NLN: variants seen among roughly 807,000 people sequenced by gnomAD.
The protein encoded by NLN is neurolysin, also known as neurolysin, mitochondrial.
NLN carries 64 observed loss-of-function variants against 79.9 expected under a neutral mutation model. The ratio of observed to expected loss-of-function variants is 0.80; its 90% CI spans 0.65 to 0.99. NLN has a LOEUF of 0.99. Ranked by LOEUF, NLN falls within the 50% of genes least tolerant of loss-of-function variation. NLN has a pLI of 0.00. For synonymous variants in NLN, 267 were observed against 296.6 expected, an observed-to-expected ratio of 0.90 and a Z score of 1.02; for missense variants, 835 against 858.7, an observed-to-expected ratio of 0.97 and a Z score of 0.34.
rs1289024105 is a variant in NLN, at chr5:65,822,900, C to T, written c.2100C>T (p.Gly700=). 1 of 1,613,454 alleles carries T rather than the reference C, an allele frequency of 6.2e-7. No homozygotes were observed. Among genetic ancestry groups the T allele is most frequent in the African/African-American group, 1.3e-5 (1 of 74,888 alleles). Residue 700 remains glycine (G), a synonymous_variant, in exon 13 of 13, where the codon GGC becomes GGT. Coordinates refer to ENST00000380985, the MANE Select transcript of NLN (RefSeq NM_020726.5). ...PNQKAFLMSR[G]LHAP is the part of the protein sequence containing the mutation. The stretch of plus-strand genomic sequence containing the variant: ...AAAAAGCGTTCCTAATGAGTAGAGG[C>T]CTGCATGCTCCGTGAACTGGGGATC...
chr5:65,730,129 A>G (rs1758573850), intron 1 of NLN, among the ~76,000 whole-genome samples: 1 of 152,250 alleles, frequency 6.6e-6, no homozygotes, highest in African/African-American at 2.4e-5. Context: ...AACAAAGCAG[A>G]TAAAAATCTT....
At chr5:65,814,983 A>ATTT (rs987720864) in intron 12 of NLN, among the ~76,000 whole-genome samples, 6 of 152,116 alleles carry the variant, frequency 3.9e-5, no homozygotes, top group African/African-American at 1.4e-4. Context: ...GTGATTATTA[A>ATTT]TTTTTTCTGT....
intron 1 of NLN, among the ~76,000 whole-genome samples, chr5:65,754,868 T>G (rs1353506835): frequency 6.6e-6 from 1 of 152,198 alleles, no homozygotes; most frequent in African/African-American, 2.4e-5. Context: ...TGAGAGTTCC[T>G]TCTTCAGATA....
chr5:65,768,687 G>A (rs1428670542), intron 3 of NLN, among the ~76,000 whole-genome samples: 1 of 152,226 alleles, frequency 6.6e-6, no homozygotes, highest in Non-Finnish European at 1.5e-5. Context: ...TCTGGTGAGA[G>A]CCCTCTTCCT....
chr5:65,742,799 C>T (rs528610296), intron 1 of NLN, among the ~76,000 whole-genome samples: 1 of 152,300 alleles, frequency 6.6e-6, no homozygotes, highest in East Asian at 1.9e-4. Context: ...ATCCATGACT[C>T]AAAGTCTCTT....
At position 65,733,301 on chromosome 5, in the gene NLN, G is replaced by A. The variant is rs1758653099; in HGVS notation, c.41+10887G>A. ...CTACTCTCGAGACCCTCACGTTAAA[G>A]GACTGTCAGATCCAGGACTCCCAAC... On this transcript the variant is annotated intron_variant, in intron 1 of 12. Transcript: ENST00000380985. 9.9e-6 allele frequency: 15 copies of A among 1,514,700 alleles called. 3 individuals carry two copies. Among genetic ancestry groups the A allele is most frequent in the Admixed American group, 1.7e-5 (1 of 58,018 alleles). The allele number at this position is 1,514,700 out of a possible 1,614,324, so 93.8% of individuals were successfully genotyped here.
intron 9 of NLN, among the ~76,000 whole-genome samples, chr5:65,805,648 T>C (rs1216658355): frequency 2.6e-5 from 4 of 152,268 alleles, no homozygotes; most frequent in South Asian, 2.1e-4. Flanking sequence ...AGAAAGAAGC[T>C]GTTTCCATAA....
intron 1 of NLN, 83 bp downstream of exon 1, chr5:65,722,497 C>A: frequency 7.9e-7 from 1 of 1,259,664 alleles, no homozygotes; most frequent in Non-Finnish European, 1.1e-6. Context: ...GGACCCACCC[C>A]TTCCCGACCG....
intron 1 of NLN, among the ~76,000 whole-genome samples, chr5:65,747,868 T>C (rs1030818661): frequency 2.6e-5 from 4 of 152,172 alleles, no homozygotes; most frequent in Admixed American, 2.0e-4. Flanking sequence ...TCATCTGAGC[T>C]GAGTGCAGAC....
At chr5:65,744,647 C>T (rs182996145) in intron 1 of NLN, among the ~76,000 whole-genome samples, 405 of 152,194 alleles carry the variant, frequency 2.7e-3, no homozygotes, top group Non-Finnish European at 4.3e-3. Flanking sequence ...GCCTGTAATC[C>T]CAGCACTTTG....
rs138745929 is a variant in NLN at position 65,756,518 on chromosome 5, C to G, written c.42-2049C>G. 4.4e-4 allele frequency among the ~76,000 whole-genome samples: 67 copies of G among 152,294 alleles called. 4 individuals are homozygous for G. The East Asian group carries it at 0.013, about 28-fold the overall frequency. On this transcript the variant is annotated intron_variant, in intron 1 of 12. Coordinates refer to ENST00000380985, the MANE Select transcript of NLN (RefSeq NM_020726.5). ...GAACAACTTCTCTCTTGAATGATCTCTTTTACAAACCTTTCAACTCATTAT... is the reference window on the plus strand; with the variant it reads ...GAACAACTTCTCTCTTGAATGATCTGTTTTACAAACCTTTCAACTCATTAT...
intron 1 of NLN, among the ~76,000 whole-genome samples, chr5:65,736,010 G>A (rs1454672692): frequency 1.3e-5 from 2 of 152,156 alleles, no homozygotes; most frequent in African/African-American, 2.4e-5. Flanking sequence ...GATGAAAAAT[G>A]TGTCAATATA....
In NLN at chr5:65,792,578, C is replaced by G. The variant is rs201670063; in HGVS notation, c.1450C>G (p.Pro484Ala). 2.0e-5 allele frequency: 33 copies of G among 1,613,824 alleles called. No homozygotes were observed. The highest frequency in any genetic ancestry group is 1.8e-4 in the Admixed American group (11 of 60,008). The change falls in exon 9 of 13, where the codon CCC becomes GCC. Residue 484 changes from proline (P) to alanine (A), a missense_variant. Physicochemically the swap from Pro to Ala is conservative, Grantham distance 27 (BLOSUM62 -1). Coordinates refer to ENST00000380985, the MANE Select transcript of NLN (RefSeq NM_020726.5). ...CTTCTCACAGCCAGTGGCAGGTCGT[C>G]CCTCTCTCCTGAGACACGACGAGGT... The part of the protein sequence containing the change: ...VNFSQPVAGR[P>A]SLLRHDEVRT...
intron 1 of NLN, among the ~76,000 whole-genome samples, chr5:65,736,862 A>G (rs979456211): frequency 2.4e-4 from 36 of 152,176 alleles, no homozygotes; most frequent in African/African-American, 8.7e-4. Flanking sequence ...ACACTTTGGG[A>G]GGCTGAGGCA....
intron 3 of NLN, among the ~76,000 whole-genome samples, chr5:65,764,685 G>T (rs561374999): frequency 6.6e-6 from 1 of 152,020 alleles, no homozygotes; most frequent in Admixed American, 6.5e-5. Context: ...GGTTCATTTC[G>T]GGCCTTTATT....
intron 1 of NLN, among the ~76,000 whole-genome samples, chr5:65,730,653 TTCAAGCAATTCTC>T (rs1288193828): frequency 2.0e-5 from 3 of 151,664 alleles, no homozygotes; most frequent in Non-Finnish European, 4.4e-5. Flanking sequence ...TCCTCCTGGG[TTCAAGCAATTCTC>T]CCACCTCAGC....
chr5:65,819,545 A>T (rs1354281032), intron 12 of NLN, among the ~76,000 whole-genome samples: 1 of 152,214 alleles, frequency 6.6e-6, no homozygotes, highest in Non-Finnish European at 1.5e-5. Context: ...GATACATGCT[A>T]ATCTTCTAGG....
At chr5:65,724,034 A>ATAACTATT (rs1348766988) in intron 1 of NLN, among the ~76,000 whole-genome samples, 1 of 152,038 alleles carries the variant, frequency 6.6e-6, no homozygotes, top group African/African-American at 2.4e-5. Context: ...TTAATGAAAA[A>ATAACTATT]TAACTATTTT....
chr5:65,782,109 G>T (rs1400066588), intron 6 of NLN, among the ~76,000 whole-genome samples: 20 of 152,224 alleles, frequency 1.3e-4, no homozygotes. Context: ...CTCAGGAACT[G>T]GGAAGATTCT....
Sources: allele counts gnomAD v4.1 joint callset (sites outside exome capture counted in the v4.1 genomes callset), GRCh38; gene constraint gnomAD v4.1.1; transcripts MANE v1.5; gene names NCBI Gene and HGNC (gene_info 2026-07-23, HGNC 2026-07-21).